MPZL2: variants seen among roughly 807,000 people sequenced by gnomAD.
The protein encoded by MPZL2 is myelin protein zero like 2, also known as myelin protein zero-like protein 2.
MPZL2 carries 32 observed loss-of-function variants against 24.5 expected under a neutral mutation model. The observed-to-expected ratio is 1.31, with a 90% CI of 0.99 to 1.76. The LOEUF (loss-of-function observed/expected upper bound fraction) is 1.76, where lower values mean the gene tolerates loss of function less well. Among genes scored for constraint, MPZL2 ranks in the 40% most tolerant of loss-of-function variants. The pLI is 0.00. For synonymous variants in MPZL2, 92 were observed against 97.9 expected, an observed-to-expected ratio of 0.94 and a Z score of 0.36; for missense variants, 304 against 274.9, an observed-to-expected ratio of 1.11 and a Z score of -0.75.
Position 118,256,292 on chromosome 11 carries a change from G to T in MPZL2, c.*12+946C>A, listed in dbSNP as rs151321533. Among the ~76,000 whole-genome samples the T allele has an allele frequency of 5.9e-3, 899 of 152,216 alleles. 40 individuals are homozygous for T. The highest frequency in any genetic ancestry group is 0.052 in the Admixed American group (795 of 15,290). On this transcript the variant is annotated intron_variant, in intron 5 of 5. Transcript: ENST00000278937. Reference sequence around the variant, plus strand: ...GCGTAAAATTTAAGTTTGCATGTCCGGATTTATAACATCTAGAAATTAAAT... The same window carrying T: ...GCGTAAAATTTAAGTTTGCATGTCCTGATTTATAACATCTAGAAATTAAAT...
chr11:118,262,566 C>T lies in MPZL2; in HGVS notation c.308G>A (p.Arg103Gln), dbSNP rs200854123. 1.9e-5 allele frequency: 30 copies of T among 1,614,044 alleles called. No individual in the cohort carries two copies. Among genetic ancestry groups the T allele is most frequent in the Admixed American group, 1.7e-4 (10 of 60,006 alleles). ...DRVSWDGNPE[R>Q]YDASILLWKL... The stretch of plus-strand genomic sequence containing the variant: ...CCAGAGAAGGATGGAGGCATCGTAC[C>T]GCTCAGGATTCCCATCCCAAGACAC... The change falls in exon 3 of 6, where the codon CGG becomes CAG. Residue 103 changes from arginine to glutamine, a missense_variant. By Grantham distance (43) the Arg-to-Gln change is conservative (BLOSUM62 1). Coordinates refer to ENST00000278937, the MANE Select transcript of MPZL2 (RefSeq NM_005797.4).
intron 5 of MPZL2, among the ~76,000 whole-genome samples, chr11:118,256,587 T>C (rs1378062266): frequency 6.6e-6 from 1 of 152,070 alleles, no homozygotes; most frequent in Non-Finnish European, 1.5e-5. Flanking sequence ...GAGGGAGAAG[T>C]TGCAGTGACC....
intron 4 of MPZL2, 133 bp downstream of exon 4, chr11:118,259,921 T>G (rs1949687817): frequency 9.5e-7 from 1 of 1,057,962 alleles, no homozygotes; most frequent in African/African-American, 1.6e-5. Flanking sequence ...TTATCTGTCC[T>G]GCAAATGTGA....
intron 1 of MPZL2, 131 bp from the exon 2 acceptor site, chr11:118,263,228 A>G (rs1253004281): frequency 1.2e-5 from 11 of 940,454 alleles, no homozygotes; most frequent in East Asian, 2.5e-5. Flanking sequence ...CCATCTCCCA[A>G]ACTTACTTCA....
intron 3 of MPZL2, 91 bp from the exon 4 acceptor site, chr11:118,260,292 G>C: frequency 7.6e-7 from 1 of 1,323,824 alleles, no homozygotes; most frequent in Non-Finnish European, 1.0e-6. Context: ...TTAATCAATA[G>C]ATGGAATCTT....
intron 4 of MPZL2, among the ~76,000 whole-genome samples, chr11:118,259,074 G>A (rs1425641358): frequency 2.0e-5 from 3 of 150,272 alleles, no homozygotes; most frequent in Admixed American, 1.3e-4. Flanking sequence ...CTCATATATT[G>A]CTGACAGGAA....
intron 5 of MPZL2, 51 bp downstream of exon 5, chr11:118,257,185 GCT>G: frequency 7.5e-7 from 1 of 1,341,286 alleles, no homozygotes; most frequent in Non-Finnish European, 1.1e-6. Flanking sequence ...TTAGAGATGG[GCT>G]GGACATGTCA....
intron 4 of MPZL2, chr11:118,257,718 T>C (rs1003781977): frequency 6.4e-6 from 1 of 155,644 alleles, no homozygotes; most frequent in African/African-American, 2.4e-5. Flanking sequence ...CTTCTTAAAA[T>C]TAGTTCTGTT....
chr11:118,255,440 C>G (rs1184656563), intron 5 of MPZL2, among the ~76,000 whole-genome samples: 1 of 152,152 alleles, frequency 6.6e-6, no homozygotes, highest in Non-Finnish European at 1.5e-5. Context: ...ATCATGGCCT[C>G]TAAGTACCTT....
chr11:118,259,816 G>T, intron 4 of MPZL2: 2 of 392,508 alleles, frequency 5.1e-6, no homozygotes, highest in Non-Finnish European at 4.4e-6. Context: ...GCACATTTTT[G>T]TAAAATCAAC....
rs1185963576 is a variant in MPZL2, at chr11:118,254,234, GA to G, written c.*1011del. 1 of 151,876 alleles carries G rather than the reference GA, an allele frequency of 6.6e-6. No individual in the cohort carries two copies. The highest frequency in any genetic ancestry group is 1.5e-5 in the Non-Finnish European group (1 of 67,944). The allele number at this position is 151,876 out of a possible 1,614,324, so 9.4% of individuals were successfully genotyped here. On this transcript the variant is annotated 3_prime_UTR_variant, in exon 6 of 6. Coordinates refer to ENST00000278937, the MANE Select transcript of MPZL2 (RefSeq NM_005797.4). ...AAACAAGTGAATTAGAATTAAAAAA[GA>G]AAAAAAGTTAATAATTTCTTCTAGT...
At chr11:118,255,552 T>A (rs1345824231) in intron 5 of MPZL2, among the ~76,000 whole-genome samples, 1 of 152,138 alleles carries the variant, frequency 6.6e-6, no homozygotes, top group Non-Finnish European at 1.5e-5. Context: ...TATAGAAAAG[T>A]AGAGAACAGA....
rs1318655097 is a variant in MPZL2 at position 118,257,219 on chromosome 11, A to G, written c.*12+19T>C. 6.4e-7 allele frequency: 1 copy of G among 1,561,414 alleles called. No individual in the cohort carries two copies. The highest frequency in any genetic ancestry group is 8.8e-7 in the Non-Finnish European group (1 of 1,135,758). ...GTCAGAAAGCTGAAGAAAGAAATCA[A>G]CCTATTTGTGAACCTTACCATCTAA... On this transcript the variant is annotated intron_variant, in intron 5 of 5. Transcript: ENST00000278937.
chr11:118,257,086 A>T, intron 5 of MPZL2, 152 bp downstream of exon 5: 1 of 511,354 alleles, frequency 2.0e-6, no homozygotes, highest in Non-Finnish European at 3.4e-6. Flanking sequence ...CATAAGACTA[A>T]TAGAAGACTT....
chr11:118,257,427 C>A (rs537313970), intron 4 of MPZL2, 114 bp from the exon 5 acceptor site: 1 of 779,768 alleles, frequency 1.3e-6, no homozygotes, highest in South Asian at 1.7e-5. Flanking sequence ...GAATTACATG[C>A]ACTTGGGAGT....
Position 118,263,965 on chromosome 11 carries a change from C to T in MPZL2, c.58+131G>A, listed in dbSNP as rs1949721023. On this transcript the variant is annotated intron_variant, in intron 1 of 5. Coordinates refer to ENST00000278937, the MANE Select transcript of MPZL2 (RefSeq NM_005797.4). ...CCACCAACTTTGGTTTCAGTAAAACCCAAAGTAAAACAAACTGTATCTGTG... is the reference window on the plus strand; with the variant it reads ...CCACCAACTTTGGTTTCAGTAAAACTCAAAGTAAAACAAACTGTATCTGTG... 5.1e-6 allele frequency: 5 copies of T among 983,942 alleles called. No individual in the cohort carries two copies. In the Middle Eastern group the frequency reaches 8.4e-4, roughly 166 times the overall value. The allele number at this position is 983,942 out of a possible 1,614,324, so 61.0% of individuals were successfully genotyped here.
chr11:118,263,358 C>T (rs960359304), intron 1 of MPZL2, among the ~76,000 whole-genome samples: 2 of 152,254 alleles, frequency 1.3e-5, no homozygotes, highest in South Asian at 2.1e-4. Flanking sequence ...ATTAAAGCCT[C>T]GCCTCGTGGT....
At chr11:118,264,000 C>G (rs1949721174) in intron 1 of MPZL2, 96 bp downstream of exon 1, 1 of 1,313,424 alleles carries the variant, frequency 7.6e-7, no homozygotes, top group African/African-American at 1.5e-5. Context: ...GGCTCAGGCT[C>G]CCAAACAAAA....
intron 1 of MPZL2, among the ~76,000 whole-genome samples, chr11:118,263,852 G>A (rs527997559): frequency 4.6e-5 from 7 of 152,210 alleles, no homozygotes; most frequent in Non-Finnish European, 8.8e-5. Flanking sequence ...CATGTAACCT[G>A]AGATTAGAAA....
Sources: allele counts gnomAD v4.1 joint callset (sites outside exome capture counted in the v4.1 genomes callset), GRCh38; gene constraint gnomAD v4.1.1; transcripts MANE v1.5; gene names NCBI Gene and HGNC (gene_info 2026-07-23, HGNC 2026-07-21).